Variants in SCRG1 observed in about 807,000 individuals in gnomAD.
SCRG1 encodes the protein stimulator of chondrogenesis 1, also known as scrapie-responsive protein 1.
In SCRG1, 3 loss-of-function variants were observed where a neutral mutation model predicts 7.7. That is an observed-to-expected ratio of 0.39 (90% CI 0.18 to 1.01). The LOEUF is 1.01. SCRG1 is among the 50% of genes least tolerant of loss of function. SCRG1 has a pLI of 0.36. For missense variants in SCRG1, 110 were observed against 117.2 expected (o/e 0.94, Z 0.28); for synonymous variants, 46 against 41.2 (o/e 1.12, Z -0.44).
intron 1 of SCRG1, among the ~76,000 whole-genome samples, chr4:173,395,321 GA>G (rs1036783131): frequency 1.3e-5 from 2 of 152,138 alleles, no homozygotes; most frequent in African/African-American, 4.8e-5. Context: ...GCCCATATTT[GA>G]AAATGAATGA....
chr4:173,452,334 T>C, the SCRG1 span, among the ~76,000 whole-genome samples: 8 of 152,108 alleles, frequency 5.3e-5, no homozygotes, highest in Admixed American at 3.3e-4. Flanking sequence ...TTTATTTTCA[T>C]GTTGAGTGGG....
chr4:173,417,734 G>C, the SCRG1 span, among the ~76,000 whole-genome samples: 1 of 151,948 alleles, frequency 6.6e-6, no homozygotes, highest in South Asian at 2.1e-4. Context: ...GGGCTCAAGC[G>C]ATCCTCCCAC....
chr4:173,469,040 T>G, the SCRG1 span: 3 of 152,192 alleles, frequency 2.0e-5, no homozygotes, highest in Admixed American at 6.6e-5. Context: ...TCCAAGTAAC[T>G]TAAGGTTAAT....
At chr4:173,513,739 C>A in the SCRG1 span, among the ~76,000 whole-genome samples, 1 of 152,162 alleles carries the variant, frequency 6.6e-6, no homozygotes, top group Non-Finnish European at 1.5e-5. Context: ...CTCCCCCTAT[C>A]AGTGGAACAG....
chr4:173,517,282 C>A, the SCRG1 span, among the ~76,000 whole-genome samples: 1 of 152,228 alleles, frequency 6.6e-6, no homozygotes, highest in African/African-American at 2.4e-5. Flanking sequence ...TGCACAGGAA[C>A]CTTTTACAAG....
At chr4:173,500,343 C>T in the SCRG1 span, among the ~76,000 whole-genome samples, 1 of 152,228 alleles carries the variant, frequency 6.6e-6, no homozygotes, top group Non-Finnish European at 1.5e-5. Context: ...AGGCCTCCGG[C>T]GCTCCCCGGG....
chr4:173,452,408 G>A, the SCRG1 span, among the ~76,000 whole-genome samples: 12 of 152,292 alleles, frequency 7.9e-5, no homozygotes, highest in African/African-American at 2.9e-4. Flanking sequence ...AGGGGTGGCA[G>A]AGGCAGAAGA....
At chr4:173,483,277 A>ATATG in the SCRG1 span, among the ~76,000 whole-genome samples, 1 of 40,590 alleles carries the variant, frequency 2.5e-5, no homozygotes, top group East Asian at 8.3e-4. Context: ...TATGATATAT[A>ATATG]ATATATGATA....
chr4:173,466,394 A>G, the SCRG1 span, among the ~76,000 whole-genome samples: 1 of 152,196 alleles, frequency 6.6e-6, no homozygotes, highest in Non-Finnish European at 1.5e-5. Flanking sequence ...AAAGAGTGAG[A>G]GTCCAAGTCC....
the SCRG1 span, among the ~76,000 whole-genome samples, chr4:173,477,048 T>A: frequency 1.3e-5 from 2 of 152,122 alleles, no homozygotes; most frequent in African/African-American, 4.8e-5. Flanking sequence ...TGCCAGATAT[T>A]TGAAAATTTG....
chr4:173,493,874 C>A, the SCRG1 span, among the ~76,000 whole-genome samples: 1 of 152,138 alleles, frequency 6.6e-6, no homozygotes, highest in East Asian at 1.9e-4. Context: ...GTTTCAACAG[C>A]GTTTTTGTTT....
At chr4:173,406,747 T>C (rs935451293), upstream of SCRG1, among the ~76,000 whole-genome samples, 1 of 152,230 alleles carries the variant, frequency 6.6e-6, no homozygotes, top group East Asian at 1.9e-4. Context: ...CATTACATAC[T>C]GGCTTTTTTC....
At chr4:173,498,606 A>G in the SCRG1 span, among the ~76,000 whole-genome samples, 1,401 of 152,286 alleles carry the variant, frequency 9.2e-3, 18 homozygotes, top group African/African-American at 0.031. Flanking sequence ...CTGCTTCCAT[A>G]TGGTCTGGGT....
chr4:173,480,703 A>T, the SCRG1 span, among the ~76,000 whole-genome samples: 2 of 152,150 alleles, frequency 1.3e-5, no homozygotes, highest in African/African-American at 2.4e-5. Context: ...ATATTAAGGA[A>T]TTACTGTGAA....
At chr4:173,448,967 T>C in the SCRG1 span, among the ~76,000 whole-genome samples, 3 of 152,206 alleles carry the variant, frequency 2.0e-5, no homozygotes, top group Non-Finnish European at 1.5e-5. Context: ...AGATTTTCAG[T>C]TTCCAGAATA....
upstream of SCRG1, among the ~76,000 whole-genome samples, chr4:173,408,718 G>A (rs1005038029): frequency 1.3e-5 from 2 of 152,012 alleles, no homozygotes; most frequent in African/African-American, 4.8e-5. Flanking sequence ...AGTCTGCTAG[G>A]CGCCGTGGCT....
upstream of SCRG1, among the ~76,000 whole-genome samples, chr4:173,408,561 T>G (rs1739968742): frequency 6.6e-6 from 1 of 152,218 alleles, no homozygotes; most frequent in Non-Finnish European, 1.5e-5. Context: ...TGGTTTATTT[T>G]ATGTCTTAAG....
At chr4:173,421,514 G>A in the SCRG1 span, among the ~76,000 whole-genome samples, 3 of 152,120 alleles carry the variant, frequency 2.0e-5, no homozygotes, top group African/African-American at 7.2e-5. Flanking sequence ...TAAATAGAAT[G>A]TGGTCCCTGT....
At chr4:173,515,040 G>C in the SCRG1 span, among the ~76,000 whole-genome samples, 16 of 152,302 alleles carry the variant, frequency 1.1e-4, no homozygotes, top group East Asian at 3.1e-3. This position sits in a 1 kb window ranked among gnomAD's most constrained non-coding sequence, Gnocchi z 4.6. Context: ...TATGTTGGAA[G>C]CTGATAGGCA....
Sources: allele counts gnomAD v4.1 joint callset (sites outside exome capture counted in the v4.1 genomes callset), GRCh38; gene constraint gnomAD v4.1.1; non-coding constraint Gnocchi (gnomAD v3.1); transcripts MANE v1.5; gene names NCBI Gene and HGNC (gene_info 2026-07-23, HGNC 2026-07-21).